Variants in TRIM49B observed in about 807,000 individuals in gnomAD.
TRIM49B encodes the protein putative tripartite motif-containing protein 49B.
In TRIM49B, 18 loss-of-function variants were observed where a neutral mutation model predicts 31.8. The observed-to-expected ratio is 0.57, with a 90% CI of 0.39 to 0.84. The LOEUF (loss-of-function observed/expected upper bound fraction) is 0.84, where lower values mean the gene tolerates loss of function less well. TRIM49B is among the 40% of genes least tolerant of loss of function. The pLI is 0.00. For missense variants in TRIM49B, 494 were observed against 538.7 expected, an observed-to-expected ratio of 0.92 and a Z score of 0.82; for synonymous variants, 196 against 180.6, an observed-to-expected ratio of 1.09 and a Z score of -0.68.
chr11:49,029,670 A>G (rs942887152), intron 1 of TRIM49B, among the ~76,000 whole-genome samples: 1 of 152,206 alleles, frequency 6.6e-6, no homozygotes, highest in Non-Finnish European at 1.5e-5. Flanking sequence ...GCTTTATGCT[A>G]AAGGACTTAA....
rs991021370 is a variant in TRIM49B at position 49,034,394 on chromosome 11, G to T, written c.738+18G>T. On this transcript the variant is annotated intron_variant, in intron 4 of 6. Transcript: ENST00000332682. ...TACTTCAGGTACAAACTCGCCATGT[G>T]GTTTCAGGTTTTTGAATATTCACAT... is the stretch of plus-strand genomic sequence containing the variant. The T allele has an allele frequency of 1.2e-6, 2 of 1,611,880 alleles. No homozygotes were observed. Among genetic ancestry groups the T allele is most frequent in the Non-Finnish European group, 1.7e-6 (2 of 1,179,794 alleles).
chr11:49,034,039 G>T, intron 3 of TRIM49B, 107 bp from the exon 4 acceptor site: 1 of 1,588,360 alleles, frequency 6.3e-7, no homozygotes, highest in East Asian at 2.2e-5. Context: ...GAACTGGCAA[G>T]ACAGAGGTTT....
At position 49,038,024 on chromosome 11, in the gene TRIM49B, A is replaced by G; in HGVS notation, c.*47A>G. ...GTTCACATGCTGTGGGAACCCCTTTATCCCAGGAAGTCCTCTTCCTTGTGC... is the reference window on the plus strand; with the variant it reads ...GTTCACATGCTGTGGGAACCCCTTTGTCCCAGGAAGTCCTCTTCCTTGTGC... On this transcript the variant is annotated 3_prime_UTR_variant, in exon 7 of 7. Transcript: ENST00000332682. The G allele has an allele frequency of 6.3e-7, 1 of 1,579,008 alleles. No individual in the cohort carries two copies. The highest frequency in any genetic ancestry group is 1.2e-5 in the South Asian group (1 of 85,198).
intron 5 of TRIM49B, among the ~76,000 whole-genome samples, chr11:49,035,882 G>T (rs1854523169): frequency 6.6e-6 from 1 of 152,072 alleles, no homozygotes; most frequent in African/African-American, 2.4e-5. Context: ...TAAGTCTCTA[G>T]GGAAGTTCTT....
At chr11:49,030,904 A>G (rs981427870) in intron 1 of TRIM49B, among the ~76,000 whole-genome samples, 12 of 152,140 alleles carry the variant, frequency 7.9e-5, no homozygotes, top group Non-Finnish European at 1.6e-4. Context: ...AGAAAATAAA[A>G]AGACCCAATA....
intron 6 of TRIM49B, among the ~76,000 whole-genome samples, chr11:49,036,804 G>T (rs1167851662): frequency 6.6e-6 from 1 of 151,840 alleles, no homozygotes; most frequent in East Asian, 1.9e-4. Context: ...GATTCTTGGG[G>T]GTTTTGTATT....
At chr11:49,033,720 C>T (rs904006195) in intron 3 of TRIM49B, among the ~76,000 whole-genome samples, 2 of 152,176 alleles carry the variant, frequency 1.3e-5, no homozygotes, top group African/African-American at 4.8e-5. Context: ...GTGAAATGCA[C>T]TTAGCTGGAC....
At position 49,031,983 on chromosome 11, in the gene TRIM49B, C is replaced by T. The variant is rs747073567; in HGVS notation, c.384C>T (p.Pro128=). The T allele has an allele frequency of 6.2e-7, 1 of 1,612,000 alleles. No individual in the cohort carries two copies. The highest frequency in any genetic ancestry group is 1.1e-5 in the South Asian group (1 of 90,986). ...AGCACCGGGATCACAGACACTGTCC[C>T]ATTGAGTCGGCTGCTGAGGAACACC... ...SQEHRDHRHC[P]IESAAEEHQE... is the part of the protein sequence containing the mutation. Residue 128 remains proline, a synonymous_variant, in exon 2 of 7, where the codon CCC becomes CCT. Transcript: ENST00000332682.
rs761896954 is a variant in TRIM49B, at chr11:49,037,812, G to A, written c.1194G>A (p.Leu398=). Residue 398 remains leucine, a synonymous_variant, in exon 7 of 7, where the codon CTG becomes CTA. Coordinates refer to ENST00000332682, the MANE Select transcript of TRIM49B (RefSeq NM_001206626.2). ...GTCTCTTTACCACCTCCCCACTTCT[G>A]CTGCAATATATCCCAAGACCTACCA... ...QRSLFTTSPL[L]LQYIPRPTSR... is the part of the protein sequence containing the mutation. The A allele has an allele frequency of 3.7e-6, 6 of 1,613,890 alleles. No homozygotes were observed. The South Asian group carries it at 6.6e-5, about 18-fold the overall frequency.
At chr11:49,031,214 G>A (rs1854440961) in intron 1 of TRIM49B, among the ~76,000 whole-genome samples, 1 of 151,934 alleles carries the variant, frequency 6.6e-6, no homozygotes, top group South Asian at 2.1e-4. Flanking sequence ...GGCCCAGGTA[G>A]TTTTTTCCCA....
Position 49,035,127 on chromosome 11 carries a change from T to C in TRIM49B, c.761+10T>C. ...GAGACATATTACACAGGTGAGTGTG[T>C]ACCTAGATTTTAGCATATGTTCTTT... On this transcript the variant is annotated intron_variant, in intron 5 of 6. Coordinates refer to ENST00000332682, the MANE Select transcript of TRIM49B (RefSeq NM_001206626.2). 1.2e-6 allele frequency: 2 copies of C among 1,608,824 alleles called. No homozygotes were observed. Among genetic ancestry groups the C allele is most frequent in the South Asian group, 1.1e-5 (1 of 90,066 alleles).
intron 5 of TRIM49B, 81 bp downstream of exon 5, chr11:49,035,198 A>G (rs1854507034): frequency 1.9e-6 from 3 of 1,593,590 alleles, no homozygotes; most frequent in East Asian, 2.2e-5. Context: ...GTCATGGCAT[A>G]AAGTCATGGC....
At chr11:49,036,678 T>G (rs879869189) in intron 6 of TRIM49B, among the ~76,000 whole-genome samples, 2 of 152,192 alleles carry the variant, frequency 1.3e-5, no homozygotes, top group Non-Finnish European at 2.9e-5. Context: ...AAGGAGCCAA[T>G]GAAATAATGC....
chr11:49,029,741 G>A (rs1854422278), intron 1 of TRIM49B, among the ~76,000 whole-genome samples: 1 of 152,172 alleles, frequency 6.6e-6, no homozygotes, highest in Admixed American at 6.5e-5. Context: ...CAGAACCATA[G>A]GATGTATACG....
chr11:49,031,946 C>G lies in TRIM49B; in HGVS notation c.347C>G (p.Ser116Cys), dbSNP rs1854455485. 1.2e-6 allele frequency: 2 copies of G among 1,611,880 alleles called. No homozygotes were observed. The highest frequency in any genetic ancestry group is 1.7e-6 in the Non-Finnish European group (2 of 1,179,856). The change falls in exon 2 of 7, where the codon TCC (serine) becomes TGC (cysteine). Residue 116 changes from serine (S) to cysteine (C), a missense_variant. Physicochemically the swap from Ser to Cys is moderately radical, Grantham distance 112. Transcript: ENST00000332682. Reference protein sequence around the residue: ...VDRSLLCLLCSSSQEHRDHRH... With the variant: ...VDRSLLCLLCCSSQEHRDHRH... ...AGGAGCCTGCTCTGTTTGCTGTGCTCCAGCTCTCAGGAGCACCGGGATCAC... is the reference window on the plus strand; with the variant it reads ...AGGAGCCTGCTCTGTTTGCTGTGCTGCAGCTCTCAGGAGCACCGGGATCAC...
intron 1 of TRIM49B, among the ~76,000 whole-genome samples, chr11:49,029,636 A>G (rs181472294): frequency 1.3e-5 from 2 of 152,352 alleles, no homozygotes; most frequent in Non-Finnish European, 2.9e-5. Context: ...TTCAGAAGTG[A>G]TATTAAACTA....
intron 3 of TRIM49B, 79 bp from the exon 4 acceptor site, chr11:49,034,067 A>C (rs1854488104): frequency 6.2e-7 from 1 of 1,607,476 alleles, no homozygotes; most frequent in South Asian, 1.1e-5. Context: ...TGGACATTCG[A>C]GAGACAAAAG....
At chr11:49,034,911 A>G (rs546076167) in intron 4 of TRIM49B, among the ~76,000 whole-genome samples, 184 bp from the exon 5 acceptor site, 1 of 152,312 alleles carries the variant, frequency 6.6e-6, no homozygotes, top group Non-Finnish European at 1.5e-5. Flanking sequence ...CAGGACGTTA[A>G]TTAATAACAA....
rs1854492471 is a variant in TRIM49B at position 49,034,327 on chromosome 11, A to T, written c.689A>T (p.Tyr230Phe). 6.2e-7 allele frequency: 1 copy of T among 1,612,012 alleles called. No individual in the cohort carries two copies. Residue 230 changes from tyrosine to phenylalanine, a missense_variant, in exon 4 of 7, where the codon TAT becomes TTT. Tyr to Phe is a conservative substitution (Grantham distance 22). Coordinates refer to ENST00000332682, the MANE Select transcript of TRIM49B (RefSeq NM_001206626.2). ...AHRREILRGM[Y>F]EELNEMCHKP... ...AGGAGGGAGATTTTAAGAGGAATGT[A>T]TGAGGAGCTGAACGAAATGTGCCAT... is the stretch of plus-strand genomic sequence containing the variant.
Sources: gnomAD v4.1 joint callset for allele counts (sites outside exome capture counted in the v4.1 genomes callset) on GRCh38, gnomAD v4.1.1 for gene constraint, MANE v1.5 for transcripts, NCBI Gene and HGNC (gene_info 2026-07-23, HGNC 2026-07-21) for gene names.